ADAMTS17: variants seen among roughly 807,000 people sequenced by gnomAD.
ADAMTS17 encodes the protein A disintegrin and metalloproteinase with thrombospondin motifs 17.
ADAMTS17 carries 113 observed loss-of-function variants against 141.5 expected under a neutral mutation model. The observed-to-expected ratio is 0.80, with a 90% CI of 0.69 to 0.93. The LOEUF (loss-of-function observed/expected upper bound fraction) is 0.93. ADAMTS17 is among the 40% of genes least tolerant of loss of function. ADAMTS17 has a pLI of 0.00. For missense variants in ADAMTS17, 1,659 were observed against 1,517.9 expected (o/e 1.09, Z -1.54); for synonymous variants, 768 against 630.6 (o/e 1.22, Z -3.27).
chr15:100,336,626 A>T (rs35275512), intron 2 of ADAMTS17, among the ~76,000 whole-genome samples: 4,805 of 152,248 alleles, frequency 0.032, 122 homozygotes, highest in Non-Finnish European at 0.043. Context: ...CAATATAATG[A>T]TGTATTATAA....
At chr15:100,331,677 G>C (rs748625325) in intron 2 of ADAMTS17, among the ~76,000 whole-genome samples, 1 of 152,058 alleles carries the variant, frequency 6.6e-6, no homozygotes, top group Non-Finnish European at 1.5e-5. Context: ...GAACAATCCC[G>C]AACTGCCTTT....
intron 15 of ADAMTS17, among the ~76,000 whole-genome samples, chr15:100,067,700 C>T (rs1427257633): frequency 6.6e-6 from 1 of 152,068 alleles, no homozygotes; most frequent in Non-Finnish European, 1.5e-5. Flanking sequence ...TCAGATCAAT[C>T]CCTTGGATTG....
chr15:99,997,697 G>A lies in ADAMTS17; in HGVS notation c.2592-108C>T. The A allele has an allele frequency of 7.1e-7, 1 of 1,404,392 alleles. No individual in the cohort carries two copies. Among genetic ancestry groups the A allele is most frequent in the Non-Finnish European group, 9.9e-7 (1 of 1,005,316 alleles). 87.0% of individuals were successfully genotyped at this position (1,404,392 alleles called of 1,614,324 possible). A position where few individuals can be genotyped will look rare whatever the true frequency, so the allele number is the denominator to read the frequency against. On this transcript the variant is annotated intron_variant, in intron 18 of 21. Transcript: ENST00000268070. This position sits in a 1 kb window ranked among gnomAD's most constrained non-coding sequence, Gnocchi z 4.7. ...TTGCTGCCCTGTGGTGGGAGAGAGG[G>A]AGGCAGACTCAGGAAGCTTTTCAGC...
intron 5 of ADAMTS17, among the ~76,000 whole-genome samples, chr15:100,262,024 G>A (rs968714049): frequency 2.6e-5 from 4 of 152,254 alleles, no homozygotes; most frequent in African/African-American, 2.4e-5. Context: ...AACTGGGGTC[G>A]AAGCTCTAAT....
chr15:100,001,480 G>A (rs1596197484), intron 18 of ADAMTS17, among the ~76,000 whole-genome samples: 1 of 151,940 alleles, frequency 6.6e-6, no homozygotes, highest in African/African-American at 2.4e-5. Context: ...CACAAAATGT[G>A]CAACACTGAG....
chr15:100,173,960 C>T (rs555092798), intron 8 of ADAMTS17, among the ~76,000 whole-genome samples: 3 of 152,174 alleles, frequency 2.0e-5, no homozygotes, highest in Admixed American at 6.5e-5. Context: ...GGACCAGAGC[C>T]GCAGCTTTCT....
chr15:100,245,741 T>G (rs563660349), intron 7 of ADAMTS17, among the ~76,000 whole-genome samples: 6 of 152,124 alleles, frequency 3.9e-5, no homozygotes, highest in Non-Finnish European at 8.8e-5. Flanking sequence ...CAGATCTTCT[T>G]GGAAGGATCT....
chr15:100,205,479 A>T (rs978237524), intron 7 of ADAMTS17, among the ~76,000 whole-genome samples: 5 of 152,160 alleles, frequency 3.3e-5, no homozygotes, highest in Admixed American at 6.5e-5. Context: ...CCTGCCAGAG[A>T]AGATGATGCT....
intron 6 of ADAMTS17, among the ~76,000 whole-genome samples, chr15:100,255,365 T>C (rs1226047429): frequency 1.3e-5 from 2 of 152,114 alleles, no homozygotes; most frequent in African/African-American, 4.8e-5. Flanking sequence ...ATCCACACTT[T>C]TCATAACCTC....
chr15:100,101,317 A>C (rs1255614910), intron 14 of ADAMTS17, among the ~76,000 whole-genome samples: 1 of 152,174 alleles, frequency 6.6e-6, no homozygotes, highest in Non-Finnish European at 1.5e-5. Flanking sequence ...CACGTTTGTG[A>C]GCTGACATGG....
At chr15:100,284,271 A>G (rs1196392562) in intron 3 of ADAMTS17, among the ~76,000 whole-genome samples, 1 of 152,246 alleles carries the variant, frequency 6.6e-6, no homozygotes, top group Non-Finnish European at 1.5e-5. Flanking sequence ...CATACCCAGA[A>G]TACTGAGTAA....
chr15:100,304,822 C>A (rs367940314), intron 3 of ADAMTS17, among the ~76,000 whole-genome samples: 2 of 152,200 alleles, frequency 1.3e-5, no homozygotes, highest in South Asian at 2.1e-4. Context: ...TCACCTCTGC[C>A]ACCCAAGACA....
chr15:100,275,895 G>C (rs2044064485), intron 4 of ADAMTS17, among the ~76,000 whole-genome samples: 1 of 144,662 alleles, frequency 6.9e-6, no homozygotes, highest in Non-Finnish European at 1.5e-5. Context: ...CTGAGGCACT[G>C]TTAGGCCCCA....
chr15:100,204,847 C>T (rs985903090), intron 7 of ADAMTS17, among the ~76,000 whole-genome samples: 43 of 152,296 alleles, frequency 2.8e-4, no homozygotes, highest in Middle Eastern at 6.8e-3. Flanking sequence ...CCTTCATTTC[C>T]ACTGCCAGCC....
chr15:100,093,725 G>A (rs942931450), intron 15 of ADAMTS17, among the ~76,000 whole-genome samples: 1 of 152,028 alleles, frequency 6.6e-6, no homozygotes, highest in African/African-American at 2.4e-5. Context: ...CTCACAACAC[G>A]CCTGCTGGGC....
intron 19 of ADAMTS17, among the ~76,000 whole-genome samples, chr15:99,996,309 C>T (rs1460497811): frequency 6.6e-6 from 1 of 152,094 alleles, no homozygotes; most frequent in Non-Finnish European, 1.5e-5. Flanking sequence ...TTACTTCGAT[C>T]AAGAGCCAGG....
At chr15:100,291,224 T>C (rs1017840623) in intron 3 of ADAMTS17, among the ~76,000 whole-genome samples, 2 of 152,172 alleles carry the variant, frequency 1.3e-5, no homozygotes, top group African/African-American at 4.8e-5. Context: ...GACATACACG[T>C]GGCCAATAAC....
chr15:100,328,906 T>C (rs566422898), intron 3 of ADAMTS17, among the ~76,000 whole-genome samples: 9 of 152,148 alleles, frequency 5.9e-5, no homozygotes, highest in Non-Finnish European at 1.3e-4. Context: ...CTTTGTTTCG[T>C]TGCATGGCCC....
chr15:100,330,764 A>C (rs987800427), intron 3 of ADAMTS17, 125 bp downstream of exon 3: 1 of 1,286,262 alleles, frequency 7.8e-7, no homozygotes, highest in African/African-American at 1.5e-5. Context: ...CAGGGCAATA[A>C]AACAGCTTTT....
Sources: allele counts gnomAD v4.1 joint callset (sites outside exome capture counted in the v4.1 genomes callset), GRCh38; gene constraint gnomAD v4.1.1; non-coding constraint Gnocchi (gnomAD v3.1); transcripts MANE v1.5; gene names NCBI Gene and HGNC (gene_info 2026-07-23, HGNC 2026-07-21).